The following DERA variants were observed in gnomAD, a reference collection of about 807,000 sequenced individuals.
DERA encodes the protein 2-deoxy-D-ribose 5-phosphate aldolase.
In DERA, 15 loss-of-function variants were observed where a neutral mutation model predicts 41.1. That is an observed-to-expected ratio of 0.37 (90% CI 0.24 to 0.56). The LOEUF (loss-of-function observed/expected upper bound fraction) is 0.56, where lower values mean the gene tolerates loss of function less well. DERA is among the 20% of genes least tolerant of loss of function. The probability of loss-of-function intolerance (pLI) is 0.81; values close to 1 mark genes in which losing one functional copy is unlikely to be tolerated. For synonymous variants in DERA, 139 were observed against 137.4 expected, an observed-to-expected ratio of 1.01 and a Z score of -0.08; for missense variants, 396 against 403.4, an observed-to-expected ratio of 0.98 and a Z score of 0.16.
In DERA at chr12:15,922,217, C is replaced by T. The variant is rs117195677; in HGVS notation, c.31+10803C>T. On this transcript the variant is annotated intron_variant, in intron 1 of 8. Coordinates refer to ENST00000428559, the MANE Select transcript of DERA (RefSeq NM_015954.4). This position sits in a 1 kb window ranked among gnomAD's most constrained non-coding sequence, Gnocchi z 4.9. ...CCCCGGGGAAGTACGCTGCCTTATT[C>T]TTGTCAAGGAAAGCAAACTGTGGCC... Among the ~76,000 whole-genome samples, 1,668 of 152,262 alleles carry T rather than the reference C, an allele frequency of 0.011. 59 individuals are homozygous for T. Among genetic ancestry groups the T allele is most frequent in the Admixed American group, 0.071 (1,091 of 15,280 alleles).
chr12:15,992,430 G>A lies in DERA; in HGVS notation c.637+9994G>A, dbSNP rs1234605346. On this transcript the variant is annotated intron_variant, in intron 6 of 8. Coordinates refer to ENST00000428559, the MANE Select transcript of DERA (RefSeq NM_015954.4). This position sits in a 1 kb window ranked among gnomAD's most constrained non-coding sequence, Gnocchi z 4.3. The stretch of plus-strand genomic sequence containing the variant: ...TGTAAGGTATGACAAGGATATTAAT[G>A]ATCTGTAAGAATGTGGAGATGGATC... Among the ~76,000 whole-genome samples, 1 of 152,086 alleles carries A rather than the reference G, an allele frequency of 6.6e-6. No individual in the cohort carries two copies. The highest frequency in any genetic ancestry group is 1.5e-5 in the Non-Finnish European group (1 of 67,978).
In DERA at chr12:15,984,910, A is replaced by G. The variant is rs556618088; in HGVS notation, c.637+2474A>G. ...GTAACTTGCACAAACTAATCTCCCC[A>G]AAAGTAATTTACAAATTTCTGACTA... is the stretch of plus-strand genomic sequence containing the variant. On this transcript the variant is annotated intron_variant, in intron 6 of 8. Transcript: ENST00000428559. This position sits in a 1 kb window ranked among gnomAD's most constrained non-coding sequence, Gnocchi z 4.5. 6.6e-6 allele frequency among the ~76,000 whole-genome samples: 1 copy of G among 152,358 alleles called. No individual in the cohort carries two copies. The highest frequency in any genetic ancestry group is 1.9e-4 in the East Asian group (1 of 5,196).
In DERA at chr12:15,951,146, CCTTGGCCCCACAGACCCCTGCCCA is replaced by C. The variant is rs568691643; in HGVS notation, c.32-5789_32-5766del. ...ATGTTGGCCCAGGGACAGTCTGTGC[CCTTGGCCCCACAGACCCCTGCCCA>C]TGGGTAGGAGCACAGCTATGGGTGG... On this transcript the variant is annotated intron_variant, in intron 1 of 8. Coordinates refer to ENST00000428559, the MANE Select transcript of DERA (RefSeq NM_015954.4). 2.6e-5 allele frequency among the ~76,000 whole-genome samples: 4 copies of C among 152,318 alleles called. No homozygotes were observed. In the South Asian group the frequency reaches 8.3e-4, roughly 32 times the overall value.
At position 15,922,149 on chromosome 12, in the gene DERA, G is replaced by A. The variant is rs1317580305; in HGVS notation, c.31+10735G>A. The stretch of plus-strand genomic sequence containing the variant: ...GCTATAAGAGCAATAGAACTTAGGA[G>A]CCCTGCCCTTGAGAAGCTTACCTTC... On this transcript the variant is annotated intron_variant, in intron 1 of 8. Coordinates refer to ENST00000428559, the MANE Select transcript of DERA (RefSeq NM_015954.4). The surrounding 1 kb of genome is among the most constrained non-coding windows in gnomAD (Gnocchi z 4.9). Among the ~76,000 whole-genome samples, 1 of 152,028 alleles carries A rather than the reference G, an allele frequency of 6.6e-6. No individual in the cohort carries two copies. Among genetic ancestry groups the A allele is most frequent in the African/African-American group, 2.4e-5 (1 of 41,388 alleles).
rs762184372 is a variant in DERA, at chr12:16,032,596, C to T, written c.692C>T (p.Pro231Leu). Residue 231 changes from proline (P) to leucine (L), a missense_variant, in exon 7 of 9, where the codon CCG (proline) becomes CTG (leucine). Physicochemically the swap from Pro to Leu is moderately conservative, Grantham distance 98. Transcript: ENST00000428559. ...TGKETVNATFPVAIVMLRAIR... is the reference protein window; with the variant it reads ...TGKETVNATFLVAIVMLRAIR... ...AAAGAAACAGTAAATGCCACCTTCC[C>T]GGTAGCTATAGTAATGCTGCGGGCC... The T allele has an allele frequency of 4.3e-5, 67 of 1,567,204 alleles. No homozygotes were observed. The highest frequency in any genetic ancestry group is 8.3e-5 in the South Asian group (7 of 84,432).
In DERA at chr12:16,035,328, AAC is replaced by A. The variant is rs1374785603; in HGVS notation, c.751-903_751-902del. On this transcript the variant is annotated intron_variant, in intron 7 of 8. Transcript: ENST00000428559. The surrounding 1 kb of genome is among the most constrained non-coding windows in gnomAD (Gnocchi z 4.1). ...TCTGTTAGCAGTCATCTGCTGGTGC[AAC>A]CAGTCATAGCCCTGAGTGATAAAAC... Among the ~76,000 whole-genome samples, 1 of 152,132 alleles carries A rather than the reference AAC, an allele frequency of 6.6e-6. No homozygotes were observed. Among genetic ancestry groups the A allele is most frequent in the Non-Finnish European group, 1.5e-5 (1 of 68,022 alleles).
In DERA at chr12:15,993,634, C is replaced by A. The variant is rs56053038; in HGVS notation, c.637+11198C>A. On this transcript the variant is annotated intron_variant, in intron 6 of 8. Coordinates refer to ENST00000428559, the MANE Select transcript of DERA (RefSeq NM_015954.4). This position sits in a 1 kb window ranked among gnomAD's most constrained non-coding sequence, Gnocchi z 4.4. ...TAAGAGATAAAAGATTTAAAGTGTACATTTATTTACAGTTCCTTAAACTAG... is the reference window on the plus strand; with the variant it reads ...TAAGAGATAAAAGATTTAAAGTGTAAATTTATTTACAGTTCCTTAAACTAG... Among the ~76,000 whole-genome samples, 9,955 of 152,140 alleles carry A rather than the reference C, an allele frequency of 0.065. 1,048 individuals carry two copies. Among genetic ancestry groups the A allele is most frequent in the African/African-American group, 0.22 (9,167 of 41,460 alleles).
chr12:15,930,769 A>T (rs1948321797), intron 1 of DERA, among the ~76,000 whole-genome samples: 1 of 152,144 alleles, frequency 6.6e-6, no homozygotes, highest in South Asian at 2.1e-4. Flanking sequence ...CCCTCATAAG[A>T]TATGCTTTTC....
At position 15,967,083 on chromosome 12, in the gene DERA, C is replaced by T. The variant is rs1948628216; in HGVS notation, c.508+4136C>T. Among the ~76,000 whole-genome samples the T allele has an allele frequency of 6.6e-6, 1 of 152,008 alleles. No homozygotes were observed. The highest frequency in any genetic ancestry group is 2.4e-5 in the African/African-American group (1 of 41,372). Reference sequence around the variant, plus strand: ...AAATCTATTAGGCCGGGCACAGTGGCTTATGCCTGTAATCCCAGCACTCTG... The same window carrying T: ...AAATCTATTAGGCCGGGCACAGTGGTTTATGCCTGTAATCCCAGCACTCTG... On this transcript the variant is annotated intron_variant, in intron 5 of 8. Coordinates refer to ENST00000428559, the MANE Select transcript of DERA (RefSeq NM_015954.4). The surrounding 1 kb of genome is among the most constrained non-coding windows in gnomAD (Gnocchi z 4.9).
intron 6 of DERA, among the ~76,000 whole-genome samples, chr12:16,028,448 C>T (rs2136188246): frequency 6.6e-6 from 1 of 152,258 alleles, no homozygotes; most frequent in Admixed American, 6.5e-5. Flanking sequence ...GGACACAAAC[C>T]TTCCCATATA....
intron 1 of DERA, among the ~76,000 whole-genome samples, chr12:15,942,805 C>T (rs1185002245): frequency 2.6e-5 from 4 of 152,236 alleles, no homozygotes; most frequent in African/African-American, 7.2e-5. Flanking sequence ...TGCTGGAGAC[C>T]GTGAGAGAAG....
At chr12:15,953,571 A>G (rs1261133002) in intron 1 of DERA, among the ~76,000 whole-genome samples, 1 of 152,206 alleles carries the variant, frequency 6.6e-6, no homozygotes, top group Non-Finnish European at 1.5e-5. Context: ...TTTTCATTGG[A>G]GAATTTTAAG....
intron 1 of DERA, among the ~76,000 whole-genome samples, chr12:15,956,350 G>GT (rs1047343916): frequency 2.0e-5 from 3 of 152,136 alleles, no homozygotes; most frequent in African/African-American, 7.2e-5. Context: ...TAAATAATTT[G>GT]TTTTTTCTTT....
At position 15,941,437 on chromosome 12, in the gene DERA, C is replaced by T. The variant is rs1264971897; in HGVS notation, c.32-15499C>T. Reference sequence around the variant, plus strand: ...TGGTTTTGGATTACATGGTTAAGTTCTTTAGTGGTGATTTCTGAGATTTTA... The same window carrying T: ...TGGTTTTGGATTACATGGTTAAGTTTTTTAGTGGTGATTTCTGAGATTTTA... On this transcript the variant is annotated intron_variant, in intron 1 of 8. Transcript: ENST00000428559. The surrounding 1 kb of genome is among the most constrained non-coding windows in gnomAD (Gnocchi z 4.5). Among the ~76,000 whole-genome samples the T allele has an allele frequency of 1.3e-5, 2 of 152,066 alleles. No individual in the cohort carries two copies. The highest frequency in any genetic ancestry group is 1.3e-4 in the Admixed American group (2 of 15,260).
chr12:15,969,920 CAG>C (rs146041896), intron 5 of DERA, among the ~76,000 whole-genome samples: 2,593 of 152,204 alleles, frequency 0.017, 78 homozygotes, highest in African/African-American at 0.059. Flanking sequence ...TTGTATATAA[CAG>C]AAATTCTGGA....
rs1052573941 is a variant in DERA at position 15,954,140 on chromosome 12, C to T, written c.32-2796C>T. Among the ~76,000 whole-genome samples the T allele has an allele frequency of 6.6e-6, 1 of 152,140 alleles. No homozygotes were observed. The highest frequency in any genetic ancestry group is 1.5e-5 in the Non-Finnish European group (1 of 68,030). On this transcript the variant is annotated intron_variant, in intron 1 of 8. Coordinates refer to ENST00000428559, the MANE Select transcript of DERA (RefSeq NM_015954.4). The surrounding 1 kb of genome is among the most constrained non-coding windows in gnomAD (Gnocchi z 4.0). ...AATTGGTTTTTAAGGGGAAAGTTCC[C>T]AGGCATCCCATTCATACCTCAGTCC...
chr12:15,979,274 G>T (rs1024108520), intron 5 of DERA, among the ~76,000 whole-genome samples: 6 of 152,222 alleles, frequency 3.9e-5, no homozygotes, highest in Non-Finnish European at 7.3e-5. Context: ...GCCACAGGAA[G>T]AGCTTGGGCC....
chr12:15,916,300 C>T (rs896686350), intron 1 of DERA: 2 of 152,096 alleles, frequency 1.3e-5, no homozygotes, highest in Non-Finnish European at 2.9e-5. Flanking sequence ...TGATGGTGAC[C>T]AGGGAGTGAC....
intron 5 of DERA, among the ~76,000 whole-genome samples, chr12:15,973,108 A>C (rs1948674854): frequency 6.6e-6 from 1 of 152,084 alleles, no homozygotes; most frequent in Admixed American, 6.5e-5. Flanking sequence ...GGCAGAGGTC[A>C]GGTTATGACC....
Sources: allele counts gnomAD v4.1 joint callset (sites outside exome capture counted in the v4.1 genomes callset), GRCh38; gene constraint gnomAD v4.1.1; non-coding constraint Gnocchi (gnomAD v3.1); transcripts MANE v1.5; gene names NCBI Gene and HGNC (gene_info 2026-07-23, HGNC 2026-07-21).